EXT2: variants seen among roughly 807,000 people sequenced by gnomAD.
EXT2 encodes the protein exostosin-2.
Under a neutral mutation model 81.6 loss-of-function variants are expected in EXT2, and 53 were observed. The observed-to-expected ratio is 0.65, with a 90% confidence interval of 0.52 to 0.82. The LOEUF (loss-of-function observed/expected upper bound fraction) is 0.82, where lower values mean the gene tolerates loss of function less well. Among genes scored for constraint, EXT2 ranks in the 40% least tolerant of loss-of-function variants. The pLI is 0.00. For synonymous variants in EXT2, 320 were observed against 340.0 expected (o/e 0.94, Z 0.65); for missense variants, 774 against 910.2 (o/e 0.85, Z 1.93).
chr11:44,129,801 A>T (rs1308421807), intron 6 of EXT2, among the ~76,000 whole-genome samples: 5 of 152,144 alleles, frequency 3.3e-5, no homozygotes, highest in Admixed American at 2.0e-4. Context: ...AGTGGAGTGG[A>T]GGCAGGGTGA....
intron 7 of EXT2, among the ~76,000 whole-genome samples, chr11:44,154,834 T>G (rs2135091599): frequency 6.6e-6 from 1 of 152,314 alleles, no homozygotes; most frequent in East Asian, 1.9e-4. Context: ...AAAGCCATTT[T>G]AACTAGGAGG....
At chr11:44,213,167 G>A (rs943913023) in intron 10 of EXT2, among the ~76,000 whole-genome samples, 1 of 152,070 alleles carries the variant, frequency 6.6e-6, no homozygotes, top group Non-Finnish European at 1.5e-5. Context: ...GTGACCAAAA[G>A]TTCATTCCAT....
rs1217463822 is a variant in EXT2, at chr11:44,236,394, A to G, written c.2018+19A>G. 5 of 1,611,442 alleles carry G rather than the reference A, an allele frequency of 3.1e-6. No homozygotes were observed. In the South Asian group the frequency reaches 4.4e-5, roughly 14 times the overall value. On this transcript the variant is annotated intron_variant, in intron 13 of 13. Coordinates refer to ENST00000533608, the MANE Select transcript of EXT2 (RefSeq NM_207122.2). ...TGGAGAGGTAAGTGAGCCTCCAACC[A>G]AAAGTGCGCCTTAGCCTCTGATCTC...
In EXT2 at chr11:44,124,819, G is replaced by C; in HGVS notation, c.774G>C (p.Gln258His). 6.2e-7 allele frequency: 1 copy of C among 1,614,066 alleles called. No individual in the cohort carries two copies. Among genetic ancestry groups the C allele is most frequent in the Non-Finnish European group, 8.5e-7 (1 of 1,180,010 alleles). Reference protein sequence around the residue: ...GPRQYFLLSSQVGLHPEYRED... With the variant: ...GPRQYFLLSSHVGLHPEYRED... ...GGCAATACTTCCTCCTGTCATCTCA[G>C]GTGGGTCTCCATCCTGAGTACAGAG... Residue 258 changes from glutamine to histidine, a missense_variant, in exon 5 of 14, where the codon CAG becomes CAC. Gln to His is a conservative substitution (Grantham distance 24). Coordinates refer to ENST00000533608, the MANE Select transcript of EXT2 (RefSeq NM_207122.2).
chr11:44,179,997 T>C (rs750065613), intron 8 of EXT2, among the ~76,000 whole-genome samples: 3 of 152,246 alleles, frequency 2.0e-5, no homozygotes, highest in Non-Finnish European at 4.4e-5. Context: ...CAACCAGAGG[T>C]TGATTCTTGA....
chr11:44,168,800 C>T (rs542672893), intron 7 of EXT2, among the ~76,000 whole-genome samples: 2 of 152,108 alleles, frequency 1.3e-5, no homozygotes, highest in African/African-American at 4.8e-5. Context: ...AAAGAGTCAC[C>T]CACGAATTCT....
intron 13 of EXT2, among the ~76,000 whole-genome samples, chr11:44,242,601 C>A (rs1956049694): frequency 6.6e-6 from 1 of 152,008 alleles, no homozygotes; most frequent in South Asian, 2.1e-4. Flanking sequence ...ATTTCTTAAC[C>A]CATAACATGA....
intron 1 of EXT2, among the ~76,000 whole-genome samples, chr11:44,101,953 A>G (rs199551438): frequency 0.2 from 29,840 of 151,028 alleles, 3,270 homozygotes; most frequent in East Asian, 0.33. Context: ...GTAAAAAAAA[A>G]AAAAAAAAAA....
intron 7 of EXT2, 40 bp downstream of exon 7, chr11:44,130,178 C>G: frequency 3.9e-6 from 6 of 1,522,838 alleles, no homozygotes; most frequent in Non-Finnish European, 5.5e-6. Context: ...TGGGTGGTAC[C>G]GAAATGGTGG....
At position 44,109,176 on chromosome 11, in the gene EXT2, T is replaced by C. The variant is rs1954105815; in HGVS notation, c.537-18T>C. 1 of 1,613,080 alleles carries C rather than the reference T, an allele frequency of 6.2e-7. No homozygotes were observed. Among genetic ancestry groups the C allele is most frequent in the African/African-American group, 1.3e-5 (1 of 74,878 alleles). On this transcript the variant is annotated intron_variant, in intron 2 of 13. Coordinates refer to ENST00000533608, the MANE Select transcript of EXT2 (RefSeq NM_207122.2). ...TAGTTGACACATTAATTCTCCTACA[T>C]TTTAAATTTCTTGACAGGTGGGATC...
chr11:44,204,745 G>A (rs942947322), intron 9 of EXT2, among the ~76,000 whole-genome samples: 9 of 152,130 alleles, frequency 5.9e-5, no homozygotes, highest in African/African-American at 9.7e-5. Flanking sequence ...ATCTAATGCC[G>A]GATGATCTGA....
At chr11:44,110,852 C>G (rs922577518) in intron 3 of EXT2, among the ~76,000 whole-genome samples, 4 of 152,158 alleles carry the variant, frequency 2.6e-5, no homozygotes, top group African/African-American at 9.7e-5. Flanking sequence ...GTGATTATAG[C>G]CAATCCTATA....
At chr11:44,118,861 T>G (rs947556458) in intron 4 of EXT2, among the ~76,000 whole-genome samples, 1 of 151,936 alleles carries the variant, frequency 6.6e-6, no homozygotes, top group African/African-American at 2.4e-5. Flanking sequence ...TAACTATAAG[T>G]AGGGAAAAAA....
intron 9 of EXT2, among the ~76,000 whole-genome samples, chr11:44,201,611 C>T (rs1412685775): frequency 6.6e-6 from 1 of 152,214 alleles, no homozygotes; most frequent in Non-Finnish European, 1.5e-5. Flanking sequence ...GTAGGAAAAT[C>T]ATCATGTGTT....
chr11:44,102,785 A>G (rs896142577), intron 1 of EXT2, among the ~76,000 whole-genome samples: 1 of 152,020 alleles, frequency 6.6e-6, no homozygotes, highest in Non-Finnish European at 1.5e-5. Flanking sequence ...CTTACTTTCC[A>G]TGACCATTAA....
rs758285777 is a variant in EXT2, at chr11:44,108,083, A to T, written c.371A>T (p.Asn124Ile). Reference sequence around the variant, plus strand: ...GATGACTTTGGCGTCTCTGTCAGCAACACCATCTCCCGGGAGTATAATGAA... The same window carrying T: ...GATGACTTTGGCGTCTCTGTCAGCATCACCATCTCCCGGGAGTATAATGAA... The part of the protein sequence containing the change: ...YVDDFGVSVS[N>I]TISREYNELL... Residue 124 changes from asparagine (N) to isoleucine (I), a missense_variant, in exon 2 of 14, where the codon AAC becomes ATC. By Grantham distance (149) the Asn-to-Ile change is moderately radical. Transcript: ENST00000533608. 1.9e-6 allele frequency: 3 copies of T among 1,614,192 alleles called. No individual in the cohort carries two copies. In the East Asian group the frequency reaches 6.7e-5, roughly 36 times the overall value.
intron 8 of EXT2, among the ~76,000 whole-genome samples, chr11:44,186,002 T>A (rs1955306109): frequency 6.6e-6 from 1 of 152,264 alleles, no homozygotes; most frequent in African/African-American, 2.4e-5. Flanking sequence ...ACACTTTGTC[T>A]TTGGTTTATA....
At chr11:44,130,340 C>T (rs377180460) in intron 7 of EXT2, among the ~76,000 whole-genome samples, 1 of 152,152 alleles carries the variant, frequency 6.6e-6, no homozygotes, top group South Asian at 2.1e-4. Flanking sequence ...GAGAACTGTG[C>T]AGAGGTAAGC....
chr11:44,176,922 T>TAAAA (rs35564934), intron 8 of EXT2, among the ~76,000 whole-genome samples: 1 of 131,868 alleles, frequency 7.6e-6, no homozygotes, highest in Non-Finnish European at 1.6e-5. Flanking sequence ...TAGTTTAATG[T>TAAAA]AAAAAAAAAA....
Sources: gnomAD v4.1 joint callset for allele counts (sites outside exome capture counted in the v4.1 genomes callset) on GRCh38, gnomAD v4.1.1 for gene constraint, MANE v1.5 for transcripts, NCBI Gene and HGNC (gene_info 2026-07-23, HGNC 2026-07-21) for gene names.